The following NCAM2 variants were observed in gnomAD, a reference collection of about 807,000 sequenced individuals.
The protein encoded by NCAM2 is neural cell adhesion molecule 2.
NCAM2 carries 30 observed loss-of-function variants against 98.1 expected under a neutral mutation model. That is an observed-to-expected ratio of 0.31 (90% CI 0.23 to 0.41). The LOEUF is 0.41. NCAM2 is among the 10% of genes least tolerant of loss of function. The pLI, the probability that NCAM2 is intolerant of heterozygous loss-of-function variation, is 1.00. For missense variants in NCAM2, 867 were observed against 1,005.8 expected, an observed-to-expected ratio of 0.86 and a Z score of 1.87; for synonymous variants, 368 against 342.4, an observed-to-expected ratio of 1.07 and a Z score of -0.83.
At chr21:21,001,126 C>T (rs964657054) in intron 1 of NCAM2, among the ~76,000 whole-genome samples, 1 of 152,066 alleles carries the variant, frequency 6.6e-6, no homozygotes, top group Admixed American at 6.6e-5. Context: ...TGATGTATTC[C>T]CTTTTTAGGA....
chr21:21,101,376 G>C (rs891725963), intron 1 of NCAM2, among the ~76,000 whole-genome samples: 4 of 151,946 alleles, frequency 2.6e-5, no homozygotes, highest in African/African-American at 4.8e-5. Flanking sequence ...TTGATTCTGT[G>C]ATTTTGATAA....
rs775495926 is a variant in NCAM2 at position 21,468,633 on chromosome 21, A to G, written c.1775-29A>G. 7.1e-5 allele frequency: 113 copies of G among 1,585,054 alleles called. 1 individual carries two copies. In the East Asian group the frequency reaches 2.5e-3, roughly 35 times the overall value. On this transcript the variant is annotated intron_variant, in intron 13 of 17. Transcript: ENST00000400546. ...TATCTAGGTATCTGAAATGTGTGCA[A>G]ATGAAGAAATGTTGTATTGTATATC...
intron 8 of NCAM2, among the ~76,000 whole-genome samples, chr21:21,358,755 AG>A (rs2075564894): frequency 6.6e-6 from 1 of 152,012 alleles, no homozygotes. Context: ...TTCTGGTACA[AG>A]TCTACCATTT....
intron 15 of NCAM2, among the ~76,000 whole-genome samples, chr21:21,483,936 C>T (rs1263521696): frequency 6.6e-6 from 1 of 151,948 alleles, no homozygotes; most frequent in Non-Finnish European, 1.5e-5. Flanking sequence ...TTGTTGGTAG[C>T]TTGTTTATTA....
chr21:21,061,979 A>C (rs1251108931), intron 1 of NCAM2, among the ~76,000 whole-genome samples: 1 of 152,158 alleles, frequency 6.6e-6, no homozygotes, highest in Non-Finnish European at 1.5e-5. Flanking sequence ...CATAGAATTG[A>C]CTTTAAAATA....
chr21:21,280,154 C>A (rs1346969014), intron 1 of NCAM2, among the ~76,000 whole-genome samples: 1 of 131,772 alleles, frequency 7.6e-6, no homozygotes, highest in East Asian at 2.2e-4. Flanking sequence ...TAGGTGTCTA[C>A]ATGTAGTTAA....
chr21:21,028,091 G>A (rs538269998), intron 1 of NCAM2, among the ~76,000 whole-genome samples: 40 of 152,182 alleles, frequency 2.6e-4, no homozygotes, highest in Non-Finnish European at 5.7e-4. Context: ...TGGAACTCCC[G>A]ACCTCAGGTG....
chr21:21,410,326 T>C lies in NCAM2; in HGVS notation c.1248T>C (p.Asn416=), dbSNP rs201042589. 9.4e-6 allele frequency: 15 copies of C among 1,596,738 alleles called. No homozygotes were observed. Among genetic ancestry groups the C allele is most frequent in the Non-Finnish European group, 1.3e-5 (15 of 1,170,844 alleles). Residue 416 remains asparagine, a synonymous_variant, in exon 10 of 18, where the codon AAT becomes AAC. Coordinates refer to ENST00000400546, the MANE Select transcript of NCAM2 (RefSeq NM_004540.5). ...NQTIYYSWEG[N]PINISCDVKS... ...CAATTTATTACTCTTGGGAAGGAAA[T>C]CCTATCAATATAAGTTGTGATGTGA...
At chr21:21,407,087 G>A (rs1215791650) in intron 9 of NCAM2, among the ~76,000 whole-genome samples, 1 of 151,982 alleles carries the variant, frequency 6.6e-6, no homozygotes, top group Non-Finnish European at 1.5e-5. Context: ...GACTATTTTT[G>A]GTACACCAAC....
chr21:21,239,328 A>G (rs965424278), intron 1 of NCAM2: 2 of 152,198 alleles, frequency 1.3e-5, no homozygotes, highest in East Asian at 3.9e-4. Flanking sequence ...AGACATCTAG[A>G]GCAGAACATT....
chr21:21,444,244 A>G (rs558203313), intron 12 of NCAM2, among the ~76,000 whole-genome samples: 1 of 152,220 alleles, frequency 6.6e-6, no homozygotes, highest in South Asian at 2.1e-4. Flanking sequence ...CCAGTATTTT[A>G]TTGAGGATTT....
chr21:21,036,531 T>C (rs994984999), intron 1 of NCAM2, among the ~76,000 whole-genome samples: 11 of 152,228 alleles, frequency 7.2e-5, no homozygotes, highest in African/African-American at 2.2e-4. Flanking sequence ...TTTATTAATA[T>C]GCTTATGGGC....
At chr21:21,417,219 G>T (rs2077013198) in intron 10 of NCAM2, among the ~76,000 whole-genome samples, 1 of 152,034 alleles carries the variant, frequency 6.6e-6, no homozygotes, top group Non-Finnish European at 1.5e-5. Flanking sequence ...TGTAGAATAA[G>T]AATTTTTTGT....
At chr21:21,018,366 G>A (rs552888150) in intron 1 of NCAM2, among the ~76,000 whole-genome samples, 131 of 152,262 alleles carry the variant, frequency 8.6e-4, no homozygotes, top group African/African-American at 3.0e-3. Flanking sequence ...AACTGCATGC[G>A]CAGACTTGAA....
intron 8 of NCAM2, among the ~76,000 whole-genome samples, chr21:21,346,372 A>G (rs1178704445): frequency 1.3e-5 from 2 of 152,108 alleles, no homozygotes; most frequent in East Asian, 3.9e-4. Context: ...ACATGGGAGA[A>G]CCCAGATACA....
In NCAM2 at chr21:21,052,223, G is replaced by T. The variant is rs539724451; in HGVS notation, c.55+53605G>T. On this transcript the variant is annotated intron_variant, in intron 1 of 17. Transcript: ENST00000400546. Reference sequence around the variant, plus strand: ...CCCAGGCTGGAGTACACTGGCACTGGCAACATCTCGGCCCACTGCAAGCTC... The same window carrying T: ...CCCAGGCTGGAGTACACTGGCACTGTCAACATCTCGGCCCACTGCAAGCTC... 1.5e-4 allele frequency among the ~76,000 whole-genome samples: 21 copies of T among 140,028 alleles called. 1 individual carries two copies. The South Asian group carries it at 4.7e-3, about 32-fold the overall frequency. 91.9% of individuals were successfully genotyped at this position (140,028 alleles called of 152,430 possible). A position where few individuals can be genotyped will look rare whatever the true frequency, so the allele number is the denominator to read the frequency against.
At chr21:21,214,926 C>G (rs1440905624) in intron 1 of NCAM2, among the ~76,000 whole-genome samples, 8 of 151,408 alleles carry the variant, frequency 5.3e-5, no homozygotes, top group Admixed American at 5.3e-4. Flanking sequence ...AGGGCTTAAA[C>G]TCTGATATAA....
intron 1 of NCAM2, among the ~76,000 whole-genome samples, chr21:21,238,520 G>C (rs1050164143): frequency 3.3e-5 from 5 of 150,696 alleles, no homozygotes; most frequent in Non-Finnish European, 7.4e-5. Context: ...AACAGATAAC[G>C]TGAAATCATA....
chr21:21,265,952 C>G (rs1049997062), intron 1 of NCAM2, among the ~76,000 whole-genome samples: 1 of 152,008 alleles, frequency 6.6e-6, no homozygotes, highest in African/African-American at 2.4e-5. Context: ...ACAACCAGCT[C>G]TGTTTTCAGA....
Sources: allele counts gnomAD v4.1 joint callset (sites outside exome capture counted in the v4.1 genomes callset), GRCh38; gene constraint gnomAD v4.1.1; transcripts MANE v1.5; gene names NCBI Gene and HGNC (gene_info 2026-07-23, HGNC 2026-07-21).